NUP210: variants seen among roughly 807,000 people sequenced by gnomAD.
NUP210 encodes nuclear pore membrane glycoprotein 210.
Under a neutral mutation model 196.0 loss-of-function variants are expected in NUP210, and 151 were observed. The observed-to-expected ratio is 0.77, with a 90% CI of 0.67 to 0.88. The LOEUF (loss-of-function observed/expected upper bound fraction) is 0.88, where lower values mean the gene tolerates loss of function less well. Among genes scored for constraint, NUP210 ranks in the 40% least tolerant of loss-of-function variants. The probability of loss-of-function intolerance (pLI) is 0.00; values close to 1 mark genes in which losing one functional copy is unlikely to be tolerated. For synonymous variants in NUP210, 1,070 were observed against 1,052.7 expected (o/e 1.02, Z -0.32); for missense variants, 2,314 against 2,493.7 (o/e 0.93, Z 1.53).
At chr3:13,417,146 C>T (rs1315897132) in intron 1 of NUP210, among the ~76,000 whole-genome samples, 2 of 152,114 alleles carry the variant, frequency 1.3e-5, no homozygotes, top group Non-Finnish European at 2.9e-5. Flanking sequence ...GGTCTAATGG[C>T]GTGGGACAGG....
chr3:13,337,870 G>A lies in NUP210; in HGVS notation c.3519C>T (p.Arg1173=), dbSNP rs771153628. The A allele has an allele frequency of 4.1e-5, 66 of 1,612,518 alleles. No homozygotes were observed. The highest frequency in any genetic ancestry group is 6.7e-5 in the East Asian group (3 of 44,886). The change falls in exon 26 of 40, where the codon CGC becomes CGT. Residue 1173 remains arginine, a synonymous_variant. Coordinates refer to ENST00000254508, the MANE Select transcript of NUP210 (RefSeq NM_024923.4). ...EVLLLRAVRI[R]APIMRMRTGT... ...CCGTCCTCATCCGCATGATGGGGGC[G>A]CGGATCCTCACGGCCCTTAGCAGCA...
intron 3 of NUP210, among the ~76,000 whole-genome samples, chr3:13,392,237 C>A (rs930044458): frequency 3.3e-5 from 5 of 152,188 alleles, no homozygotes; most frequent in African/African-American, 1.2e-4. Flanking sequence ...CCTGGCCCTG[C>A]AAGGTCTCAA....
rs1207105327 is a variant in NUP210, at chr3:13,337,927, C to T, written c.3472-10G>A. 5.0e-6 allele frequency: 8 copies of T among 1,611,488 alleles called. No individual in the cohort carries two copies. Among genetic ancestry groups the T allele is most frequent in the African/African-American group, 1.3e-5 (1 of 74,918 alleles). ...CCACCTGCACGAGGTCCTGGGGAAA[C>T]AGGGTGGCACTTAGGTGTGGGGATG... On this transcript the variant is annotated splice_polypyrimidine_tract_variant and intron_variant, in intron 25 of 39. Coordinates refer to ENST00000254508, the MANE Select transcript of NUP210 (RefSeq NM_024923.4).
At position 13,340,011 on chromosome 3, in the gene NUP210, T is replaced by C; in HGVS notation, c.3314A>G (p.Gln1105Arg). 1 of 1,613,924 alleles carries C rather than the reference T, an allele frequency of 6.2e-7. No homozygotes were observed. The highest frequency in any genetic ancestry group is 8.5e-7 in the Non-Finnish European group (1 of 1,180,014). Reference protein sequence around the residue: ...TMQVTSEGGPQPQSNILFSIS... With the variant: ...TMQVTSEGGPRPQSNILFSIS... ...GGAGAAAAGGATGTTGGACTGAGGC[T>C]GGGGGCCGCCCTCGGAGGTGACCTG... Residue 1105 changes from glutamine to arginine, a missense_variant, in exon 25 of 40, where the codon CAG becomes CGG. Physicochemically the swap from Gln to Arg is conservative, Grantham distance 43. Transcript: ENST00000254508. The surrounding 1 kb of genome is among the most constrained non-coding windows in gnomAD (Gnocchi z 4.0).
In NUP210 at chr3:13,319,116, G is replaced by A; in HGVS notation, c.5519C>T (p.Pro1840Leu). 6.2e-7 allele frequency: 1 copy of A among 1,609,092 alleles called. No homozygotes were observed. The highest frequency in any genetic ancestry group is 1.7e-5 in the Admixed American group (1 of 59,440). Residue 1840 changes from proline (P) to leucine (L), a missense_variant, in exon 39 of 40, where the codon CCT becomes CTT. By Grantham distance (98) the Pro-to-Leu change is moderately conservative (BLOSUM62 -3). Coordinates refer to ENST00000254508, the MANE Select transcript of NUP210 (RefSeq NM_024923.4). ...GCTGGCTCGAGGCGTGAGGGCTGCA[G>A]GCACAGCAAGATCCCGGGGCGTGCA... The part of the protein sequence containing the change: ...TVCTPRDLAV[P>L]AALTPRASPG...
chr3:13,377,288 G>C (rs1698945150), intron 9 of NUP210, among the ~76,000 whole-genome samples, 168 bp downstream of exon 9: 2 of 152,186 alleles, frequency 1.3e-5, no homozygotes, highest in African/African-American at 2.4e-5. Flanking sequence ...GATGCCCCGG[G>C]ATGCCTCAGC....
chr3:13,353,433 G>T, intron 18 of NUP210, 121 bp downstream of exon 18: 2 of 785,524 alleles, frequency 2.5e-6, no homozygotes, highest in Non-Finnish European at 2.2e-6. Flanking sequence ...GGCTGGGGTG[G>T]GGGAGTGGTG....
At position 13,352,169 on chromosome 3, in the gene NUP210, G is replaced by T. The variant is rs1191379478; in HGVS notation, c.2644C>A (p.Pro882Thr). Residue 882 changes from proline (P) to threonine (T), a missense_variant, in exon 19 of 40, where the codon CCT becomes ACT. Transcript: ENST00000254508. ...ATGAGCTCTATGGAGGCCGACAGAG[G>T]CACCAGAGGGTCATGCTGAAGGACA... ...RTKQPHDPLV[P>T]LSASIELILV... The T allele has an allele frequency of 3.1e-6, 5 of 1,613,032 alleles. No homozygotes were observed. The highest frequency in any genetic ancestry group is 4.2e-6 in the Non-Finnish European group (5 of 1,179,602).
Position 13,332,185 on chromosome 3 carries a change from G to A in NUP210, c.3935+108C>T. On this transcript the variant is annotated intron_variant, in intron 29 of 39. Coordinates refer to ENST00000254508, the MANE Select transcript of NUP210 (RefSeq NM_024923.4). Reference sequence around the variant, plus strand: ...CTCACCCATTCCAAGCACAGCAGGAGAAAACCTCCCTGAAAGTACCCATGG... The same window carrying A: ...CTCACCCATTCCAAGCACAGCAGGAAAAAACCTCCCTGAAAGTACCCATGG... The A allele has an allele frequency of 3.4e-6, 3 of 871,648 alleles. No individual in the cohort carries two copies. The South Asian group carries it at 4.3e-5, about 13-fold the overall frequency. The allele number at this position is 871,648 out of a possible 1,614,324, so 54.0% of individuals were successfully genotyped here. A position where few individuals can be genotyped will look rare whatever the true frequency, so the allele number is the denominator to read the frequency against.
At position 13,342,034 on chromosome 3, in the gene NUP210, G is replaced by A. The variant is rs1332106004; in HGVS notation, c.3054C>T (p.Asp1018=). 1.2e-6 allele frequency: 2 copies of A among 1,614,188 alleles called. No individual in the cohort carries two copies. The highest frequency in any genetic ancestry group is 1.7e-6 in the Non-Finnish European group (2 of 1,180,022). The change falls in exon 22 of 40, where the codon GAC becomes GAT. Residue 1018 remains aspartate, a synonymous_variant. Transcript: ENST00000254508. ...TCGGGGAGGCTGCTCGGAGCTTCAG[G>A]TCCATAAAGGGGAAGTATTTGGCAA... The part of the protein sequence containing the change: ...PFLAKYFPFM[D]LKLRAASPII...
rs139841357 is a variant in NUP210, at chr3:13,319,591, G to C, written c.5383+172C>G. The stretch of plus-strand genomic sequence containing the variant: ...ATGTTGAGAACAGATGGGAAAGCTG[G>C]GCAACTAAAGCCTGCATCATGGCCC... On this transcript the variant is annotated intron_variant, in intron 37 of 39. Transcript: ENST00000254508. 4.2e-3 allele frequency among the ~76,000 whole-genome samples: 643 copies of C among 152,266 alleles called. 5 individuals carry two copies. Among genetic ancestry groups the C allele is most frequent in the Non-Finnish European group, 5.1e-3 (347 of 68,010 alleles).
chr3:13,324,891 C>G (rs770991282), intron 33 of NUP210, among the ~76,000 whole-genome samples: 1 of 152,206 alleles, frequency 6.6e-6, no homozygotes, highest in African/African-American at 2.4e-5. Context: ...GGGCTTCTGA[C>G]GTGCTAACTC....
chr3:13,322,213 G>C lies in NUP210; in HGVS notation c.4895C>G (p.Pro1632Arg). 6.2e-7 allele frequency: 1 copy of C among 1,614,240 alleles called. No homozygotes were observed. Among genetic ancestry groups the C allele is most frequent in the South Asian group, 1.1e-5 (1 of 91,076 alleles). The change falls in exon 35 of 40, where the codon CCA (proline) becomes CGA (arginine). Residue 1632 changes from proline to arginine, a missense_variant. Coordinates refer to ENST00000254508, the MANE Select transcript of NUP210 (RefSeq NM_024923.4). ...ATTACCGAGAGCAGTGTCAAACTGTGGCTCCACGGTGAACACATCTTGAGA... is the reference window on the plus strand; with the variant it reads ...ATTACCGAGAGCAGTGTCAAACTGTCGCTCCACGGTGAACACATCTTGAGA... Reference protein sequence around the residue: ...FPSQDVFTVEPQFDTALGQYF... With the variant: ...FPSQDVFTVERQFDTALGQYF...
Position 13,319,285 on chromosome 3 carries a change from C to G in NUP210, c.5424G>C (p.Gln1808His). Residue 1808 changes from glutamine (Q) to histidine (H), a missense_variant, in exon 38 of 40, where the codon CAG (glutamine) becomes CAC (histidine). Gln to His is a conservative substitution (Grantham distance 24). Transcript: ENST00000254508. ...GGGCGAAGAGCGTGAAGAACATGACCTGGTAGGAATCCAGGAAGTGCTGGA... is the reference window on the plus strand; with the variant it reads ...GGGCGAAGAGCGTGAAGAACATGACGTGGTAGGAATCCAGGAAGTGCTGGA... Reference protein sequence around the residue: ...SLFQHFLDSYQVMFFTLFALL... With the variant: ...SLFQHFLDSYHVMFFTLFALL... 6.2e-7 allele frequency: 1 copy of G among 1,612,960 alleles called. No individual in the cohort carries two copies. The highest frequency in any genetic ancestry group is 8.5e-7 in the Non-Finnish European group (1 of 1,179,536).
chr3:13,371,480 A>G (rs982887985), intron 13 of NUP210, among the ~76,000 whole-genome samples: 7 of 152,246 alleles, frequency 4.6e-5, no homozygotes, highest in African/African-American at 1.4e-4. Flanking sequence ...TGCCTGTCAC[A>G]GGTGAGAGGA....
At chr3:13,329,817 C>A (rs1046651650) in intron 30 of NUP210, among the ~76,000 whole-genome samples, 1 of 152,142 alleles carries the variant, frequency 6.6e-6, no homozygotes, top group African/African-American at 2.4e-5. Flanking sequence ...AGGTCCCATC[C>A]GTAAGGAACA....
At chr3:13,339,610 C>T (rs1470700538) in intron 25 of NUP210, among the ~76,000 whole-genome samples, 1 of 152,258 alleles carries the variant, frequency 6.6e-6, no homozygotes, top group Non-Finnish European at 1.5e-5. Context: ...GCTGAACACC[C>T]TGTCCCATAA....
At chr3:13,391,439 C>A in intron 3 of NUP210, 132 bp from the exon 4 acceptor site, 1 of 660,434 alleles carries the variant, frequency 1.5e-6, no homozygotes, top group Non-Finnish European at 2.8e-6. Flanking sequence ...GTGTCATAAA[C>A]TGTATGTCAG....
intron 1 of NUP210, among the ~76,000 whole-genome samples, chr3:13,414,699 C>T (rs991395572): frequency 1.3e-5 from 2 of 152,214 alleles, no homozygotes; most frequent in African/African-American, 4.8e-5. Context: ...TCCCCTCCAA[C>T]TCAACCCCAC....
Sources: gnomAD v4.1 joint callset for allele counts (sites outside exome capture counted in the v4.1 genomes callset) on GRCh38, gnomAD v4.1.1 for gene constraint, Gnocchi (gnomAD v3.1) non-coding constraint, MANE v1.5 for transcripts, NCBI Gene and HGNC (gene_info 2026-07-23, HGNC 2026-07-21) for gene names.